PHACTR1: variants seen among roughly 807,000 people sequenced by gnomAD.
The protein encoded by PHACTR1 is phosphatase and actin regulator 1.
A neutral mutation model predicts 69.2 loss-of-function variants in PHACTR1; 16 were observed. The ratio of observed to expected loss-of-function variants is 0.23; its 90% CI spans 0.16 to 0.35. The LOEUF (loss-of-function observed/expected upper bound fraction) is 0.35. Ranked by LOEUF, PHACTR1 falls within the 10% of genes least tolerant of loss-of-function variation. The pLI is 1.00. For missense variants in PHACTR1, 510 were observed against 734.7 expected, an observed-to-expected ratio of 0.69 and a Z score of 3.54; for synonymous variants, 312 against 284.5, an observed-to-expected ratio of 1.10 and a Z score of -0.97.
chr6:12,768,207 G>A (rs1184778785), intron 4 of PHACTR1, among the ~76,000 whole-genome samples: 2 of 143,220 alleles, frequency 1.4e-5, no homozygotes, highest in Admixed American at 7.4e-5. Flanking sequence ...CTCCGCCTCC[G>A]GGGTTCACAC....
intron 4 of PHACTR1, among the ~76,000 whole-genome samples, chr6:12,987,028 G>T (rs1341070744): frequency 3.3e-5 from 5 of 151,126 alleles, no homozygotes; most frequent in African/African-American, 1.2e-4. Context: ...GGAATGTACT[G>T]TATTCACAAT....
At chr6:12,840,485 A>T (rs532353435) in intron 4 of PHACTR1, among the ~76,000 whole-genome samples, 4 of 152,352 alleles carry the variant, frequency 2.6e-5, no homozygotes, top group African/African-American at 9.6e-5. Flanking sequence ...GCCTGTGTCC[A>T]GGGATCGACT....
chr6:12,828,762 A>AT lies in PHACTR1; in HGVS notation c.250+78972_250+78973insT, dbSNP rs200941151. ...TGGGGAAAAATAATGCTTCGTTGTA[A>AT]AAAAAAACACAAGCTCTTTTAGAAA... On this transcript the variant is annotated intron_variant, in intron 4 of 14. Transcript: ENST00000332995. 4.2e-3 allele frequency among the ~76,000 whole-genome samples: 632 copies of AT among 152,038 alleles called. 5 individuals carry two copies. Among genetic ancestry groups the AT allele is most frequent in the African/African-American group, 0.015 (604 of 41,478 alleles).
chr6:12,776,326 G>A (rs1042983368), intron 4 of PHACTR1, among the ~76,000 whole-genome samples: 11 of 152,104 alleles, frequency 7.2e-5, no homozygotes, highest in African/African-American at 9.7e-5. Flanking sequence ...AATTTAATTT[G>A]GTCCAAAATA....
intron 4 of PHACTR1, among the ~76,000 whole-genome samples, chr6:12,921,076 T>G (rs1787600644): frequency 6.6e-6 from 1 of 152,194 alleles, no homozygotes; most frequent in Non-Finnish European, 1.5e-5. Flanking sequence ...ACACTTAGGG[T>G]GCAGACTTTC....
chr6:12,834,738 G>T (rs944091858), intron 4 of PHACTR1, among the ~76,000 whole-genome samples: 1 of 152,140 alleles, frequency 6.6e-6, no homozygotes. Context: ...AAAACTCAGA[G>T]TGTGTACGTC....
intron 5 of PHACTR1, among the ~76,000 whole-genome samples, chr6:13,118,014 A>G (rs1818065999): frequency 6.6e-6 from 1 of 152,236 alleles, no homozygotes; most frequent in African/African-American, 2.4e-5. Context: ...CCTTAAATCA[A>G]TATTTAGTGC....
intron 4 of PHACTR1, among the ~76,000 whole-genome samples, chr6:12,834,752 A>G (rs1207283770): frequency 6.6e-6 from 1 of 152,158 alleles, no homozygotes; most frequent in East Asian, 1.9e-4. Context: ...GTACGTCCAA[A>G]TAAATATTTC....
At chr6:12,803,938 G>A (rs1773997565) in intron 4 of PHACTR1, among the ~76,000 whole-genome samples, 1 of 152,042 alleles carries the variant, frequency 6.6e-6, no homozygotes, top group Non-Finnish European at 1.5e-5. Flanking sequence ...AAATCTCCAG[G>A]GAAAAGAACA....
chr6:13,041,095 TA>T (rs2127712321), intron 4 of PHACTR1, among the ~76,000 whole-genome samples: 1 of 152,270 alleles, frequency 6.6e-6, no homozygotes, highest in South Asian at 2.1e-4. Flanking sequence ...GAGACCTCTT[TA>T]AAAATTTAAC....
chr6:13,045,997 G>A (rs11961962), intron 4 of PHACTR1, among the ~76,000 whole-genome samples: 32,178 of 152,062 alleles, frequency 0.21, 3,582 homozygotes, highest in South Asian at 0.26. Flanking sequence ...TGTCATATAG[G>A]CATGCACACA....
chr6:13,284,768 C>G (rs559557931), intron 13 of PHACTR1, among the ~76,000 whole-genome samples: 1 of 151,962 alleles, frequency 6.6e-6, no homozygotes, highest in East Asian at 1.9e-4. Context: ...TATCACCAAC[C>G]CTGGATCCAG....
At position 13,261,098 on chromosome 6, in the gene PHACTR1, C is replaced by T. The variant is rs372968009; in HGVS notation, c.1392-11762C>T. ...ATGCATCCTAGGAGGCAAAATCACC[C>T]ATGCTGAGAACCAGCACAGTAAAGC... On this transcript the variant is annotated intron_variant, in intron 10 of 14. Coordinates refer to ENST00000332995, the MANE Select transcript of PHACTR1 (RefSeq NM_030948.6). Among the ~76,000 whole-genome samples the T allele has an allele frequency of 6.6e-5, 10 of 152,290 alleles. No homozygotes were observed. The East Asian group carries it at 1.9e-3, about 29-fold the overall frequency.
intron 4 of PHACTR1, among the ~76,000 whole-genome samples, chr6:13,001,237 C>G (rs1445942282): frequency 6.6e-6 from 1 of 152,166 alleles, no homozygotes; most frequent in Non-Finnish European, 1.5e-5. Context: ...GAGGTTGTTA[C>G]TTTAATTCAT....
chr6:13,232,004 G>A (rs1771301100), intron 10 of PHACTR1, among the ~76,000 whole-genome samples: 1 of 152,206 alleles, frequency 6.6e-6, no homozygotes, highest in Non-Finnish European at 1.5e-5. Context: ...ATAATGTGTG[G>A]AAGTCTACCA....
intron 10 of PHACTR1, among the ~76,000 whole-genome samples, chr6:13,235,073 C>T (rs549835697): frequency 5.6e-4 from 86 of 152,290 alleles, no homozygotes; most frequent in Admixed American, 9.2e-4. Flanking sequence ...CCTATGGGGA[C>T]ATTTGCTTAG....
Position 13,053,355 on chromosome 6 carries a change from A to C in PHACTR1, c.251-10A>C. Reference sequence around the variant, plus strand: ...CTCTTTGTTTTCATCTCTTTCTTGGAAATAACAAGCTGAGGAAGTGGAGAG... The same window carrying C: ...CTCTTTGTTTTCATCTCTTTCTTGGCAATAACAAGCTGAGGAAGTGGAGAG... On this transcript the variant is annotated splice_polypyrimidine_tract_variant and intron_variant, in intron 4 of 14. Coordinates refer to ENST00000332995, the MANE Select transcript of PHACTR1 (RefSeq NM_030948.6). The C allele has an allele frequency of 6.3e-7, 1 of 1,583,500 alleles. No individual in the cohort carries two copies. The highest frequency in any genetic ancestry group is 8.6e-7 in the Non-Finnish European group (1 of 1,165,034).
chr6:12,962,375 A>G (rs1396142365), intron 4 of PHACTR1, among the ~76,000 whole-genome samples: 1 of 152,202 alleles, frequency 6.6e-6, no homozygotes, highest in Non-Finnish European at 1.5e-5. Context: ...CAACATATGA[A>G]TTTAGGAGGG....
rs1008020563 is a variant in PHACTR1 at position 12,858,573 on chromosome 6, G to A, written c.250+108783G>A. The stretch of plus-strand genomic sequence containing the variant: ...TTTGGAAGGCCTAGGTGGGAGGATT[G>A]CTTGAGGCCAGGAGTTCAATGCAAG... On this transcript the variant is annotated intron_variant, in intron 4 of 14. Transcript: ENST00000332995. Among the ~76,000 whole-genome samples the A allele has an allele frequency of 3.9e-5, 6 of 151,976 alleles. 1 individual carries two copies. The highest frequency in any genetic ancestry group is 1.5e-4 in the African/African-American group (6 of 41,356).
Sources: gnomAD v4.1 joint callset for allele counts (sites outside exome capture counted in the v4.1 genomes callset) on GRCh38, gnomAD v4.1.1 for gene constraint, MANE v1.5 for transcripts, NCBI Gene and HGNC (gene_info 2026-07-23, HGNC 2026-07-21) for gene names.